The following CIMIP3 variants were observed in gnomAD, a reference collection of about 807,000 sequenced individuals.
CIMIP3 encodes the protein GUCA1A neighbor.
the CIMIP3 span, among the ~76,000 whole-genome samples, chr6:42,156,063 A>G: frequency 2.0e-5 from 3 of 151,956 alleles, no homozygotes; most frequent in African/African-American, 7.2e-5. Flanking sequence ...GCACAATCTC[A>G]GCTAAGTGCA....
chr6:42,159,020 G>A, the CIMIP3 span, among the ~76,000 whole-genome samples: 8 of 152,292 alleles, frequency 5.3e-5, no homozygotes, highest in South Asian at 1.7e-3. Flanking sequence ...CACATGCTTA[G>A]ACACATCCTT....
chr6:42,162,087 ATTCTTTTTTTT>A, the CIMIP3 span, among the ~76,000 whole-genome samples: 2 of 111,782 alleles, frequency 1.8e-5, no homozygotes, highest in African/African-American at 6.7e-5. Context: ...TGGAAGCCAC[ATTCTTTTTTTT>A]TTTTTTTTTT....
chr6:42,159,198 C>T, the CIMIP3 span, among the ~76,000 whole-genome samples: 1 of 152,156 alleles, frequency 6.6e-6, no homozygotes, highest in Non-Finnish European at 1.5e-5. Context: ...TTTGTTGTCA[C>T]GACTGGGAGA....
At chr6:42,160,395 T>G in the CIMIP3 span, among the ~76,000 whole-genome samples, 1 of 152,222 alleles carries the variant, frequency 6.6e-6, no homozygotes, top group Admixed American at 6.5e-5. Flanking sequence ...CTGGGAAGGC[T>G]GTAGAACACT....
At chr6:42,162,319 G>A in the CIMIP3 span, among the ~76,000 whole-genome samples, 17 of 151,796 alleles carry the variant, frequency 1.1e-4, no homozygotes, top group Middle Eastern at 3.4e-3. Flanking sequence ...GGAGGCTGAG[G>A]CAGAAGAATC....
the CIMIP3 span, among the ~76,000 whole-genome samples, chr6:42,162,461 G>A: frequency 3.8e-4 from 57 of 148,724 alleles, no homozygotes; most frequent in Middle Eastern, 3.4e-3. Context: ...GAAGCACAGC[G>A]TGACCAAGTA....
At chr6:42,161,925 A>C in the CIMIP3 span, among the ~76,000 whole-genome samples, 907 of 152,082 alleles carry the variant, frequency 6.0e-3, 6 homozygotes, top group South Asian at 0.025. Flanking sequence ...GAAAGACAGA[A>C]TTTCCCTAGT....
the CIMIP3 span, among the ~76,000 whole-genome samples, chr6:42,156,670 CT>C: frequency 7.9e-5 from 12 of 152,360 alleles, no homozygotes; most frequent in African/African-American, 2.9e-4. Context: ...TGCACTGTGC[CT>C]TTACCGTTCC....
At chr6:42,162,247 G>C in the CIMIP3 span, among the ~76,000 whole-genome samples, 3,091 of 151,108 alleles carry the variant, frequency 0.02, 51 homozygotes, top group Non-Finnish European at 0.032. Flanking sequence ...AACCCCATCT[G>C]TACTAAAAAT....
At chr6:42,161,712 A>G in the CIMIP3 span, among the ~76,000 whole-genome samples, 2 of 152,158 alleles carry the variant, frequency 1.3e-5, no homozygotes, top group Admixed American at 6.5e-5. Flanking sequence ...TAACAATGAG[A>G]TATGTTATAA....
the CIMIP3 span, chr6:42,162,975 G>A: frequency 1.4e-6 from 1 of 709,568 alleles, no homozygotes; most frequent in East Asian, 2.7e-5. Context: ...TCATGCAAGG[G>A]GGTGAAGGCT....
the CIMIP3 span, among the ~76,000 whole-genome samples, chr6:42,158,936 G>T: frequency 3.3e-5 from 5 of 152,234 alleles, no homozygotes; most frequent in Non-Finnish European, 7.3e-5. Context: ...TTAGTGGGGA[G>T]CAGGGATGGG....
At chr6:42,155,421 G>T in the CIMIP3 span, 3 of 650,496 alleles carry the variant, frequency 4.6e-6, no homozygotes, top group Non-Finnish European at 8.5e-6. Context: ...CCTGCCAAGA[G>T]TCCTCCCTGA....
the CIMIP3 span, among the ~76,000 whole-genome samples, chr6:42,156,142 T>A: frequency 6.6e-6 from 1 of 151,792 alleles, no homozygotes; most frequent in South Asian, 2.1e-4. Context: ...TACAGGCACC[T>A]GCCACCACGC....
the CIMIP3 span, chr6:42,163,294 T>C: frequency 2.0e-6 from 1 of 503,236 alleles, no homozygotes; most frequent in Non-Finnish European, 3.6e-6. Flanking sequence ...CTCACCCCTG[T>C]GACCTCAGGT....
the CIMIP3 span, among the ~76,000 whole-genome samples, chr6:42,156,960 A>G: frequency 1.3e-5 from 2 of 152,346 alleles, no homozygotes; most frequent in East Asian, 1.9e-4. Context: ...TGAGGAGGCT[A>G]CAGGTGGAAT....
the CIMIP3 span, among the ~76,000 whole-genome samples, chr6:42,159,574 T>C: frequency 6.6e-6 from 1 of 152,218 alleles, no homozygotes; most frequent in Admixed American, 6.5e-5. Flanking sequence ...CCCACAGTGT[T>C]CTTGCCAGAC....
the CIMIP3 span, chr6:42,163,273 G>A: frequency 6.8e-5 from 37 of 546,650 alleles, no homozygotes; most frequent in Admixed American, 1.7e-4. Context: ...GGAAGCCCCC[G>A]ACCCTTCACC....
the CIMIP3 span, among the ~76,000 whole-genome samples, chr6:42,158,376 C>T: frequency 6.6e-6 from 1 of 152,304 alleles, no homozygotes; most frequent in South Asian, 2.1e-4. Context: ...ACCTCTTCCC[C>T]TAGACTGTCT....
Sources: gnomAD v4.1 joint callset for allele counts (sites outside exome capture counted in the v4.1 genomes callset) on GRCh38, gnomAD v4.1.1 for gene constraint, MANE v1.5 for transcripts, NCBI Gene and HGNC (gene_info 2026-07-23, HGNC 2026-07-21) for gene names.